The following AMOTL1 variants were observed in gnomAD, a reference collection of about 807,000 sequenced individuals.
AMOTL1 encodes the protein angiomotin-like protein 1.
A neutral mutation model predicts 102.9 loss-of-function variants in AMOTL1; 45 were observed. The ratio of observed to expected loss-of-function variants is 0.44; its 90% CI spans 0.34 to 0.56. The LOEUF (loss-of-function observed/expected upper bound fraction) is 0.56. AMOTL1 is among the 20% of genes least tolerant of loss of function. AMOTL1 has a pLI of 0.01. For missense variants in AMOTL1, 1,114 were observed against 1,225.6 expected (o/e 0.91, Z 1.36); for synonymous variants, 481 against 484.7 (o/e 0.99, Z 0.10).
At chr11:94,736,065 A>G (rs1048882761) in intron 2 of AMOTL1, among the ~76,000 whole-genome samples, 1 of 151,948 alleles carries the variant, frequency 6.6e-6, no homozygotes, top group African/African-American at 2.4e-5. Context: ...AAATATTTCC[A>G]CCTTGTCGTT....
chr11:94,742,033 A>T (rs927072483), intron 3 of AMOTL1, among the ~76,000 whole-genome samples: 2 of 152,172 alleles, frequency 1.3e-5, no homozygotes, highest in Non-Finnish European at 2.9e-5. Flanking sequence ...AACGACTTTC[A>T]TTCATTTCTA....
chr11:94,862,434 C>T (rs1229659549), intron 9 of AMOTL1, among the ~76,000 whole-genome samples: 2 of 152,178 alleles, frequency 1.3e-5, no homozygotes, highest in African/African-American at 4.8e-5. Flanking sequence ...GACTTTTCAA[C>T]CACAGATGCA....
intron 1 of AMOTL1, among the ~76,000 whole-genome samples, chr11:94,711,702 T>C (rs1435876263): frequency 6.6e-6 from 1 of 152,174 alleles, no homozygotes; most frequent in Admixed American, 6.5e-5. Flanking sequence ...CCTTATGATA[T>C]TGGCCTCTTC....
At chr11:94,819,221 A>C (rs185510944) in intron 3 of AMOTL1, among the ~76,000 whole-genome samples, 7 of 152,324 alleles carry the variant, frequency 4.6e-5, no homozygotes, top group African/African-American at 1.4e-4. Context: ...AGAACCCCGA[A>C]ATCAGTAAGC....
At chr11:94,798,590 C>G (rs1485297399) in intron 2 of AMOTL1, among the ~76,000 whole-genome samples, 1 of 152,036 alleles carries the variant, frequency 6.6e-6, no homozygotes, top group Non-Finnish European at 1.5e-5. Flanking sequence ...ATGTATGGGT[C>G]ATGAGTCAGT....
intron 1 of AMOTL1, among the ~76,000 whole-genome samples, chr11:94,710,177 G>C (rs903931587): frequency 6.6e-6 from 1 of 152,152 alleles, no homozygotes; most frequent in Non-Finnish European, 1.5e-5. Context: ...ATTTGTTAGG[G>C]GAAGGAGGTA....
intron 4 of AMOTL1, among the ~76,000 whole-genome samples, chr11:94,824,450 A>G (rs930548064): frequency 2.6e-5 from 4 of 152,240 alleles, no homozygotes; most frequent in African/African-American, 9.6e-5. Context: ...ATGTAAAACC[A>G]GAATTATTGA....
chr11:94,775,916 A>G (rs1275400242), intron 1 of AMOTL1, among the ~76,000 whole-genome samples: 1 of 152,232 alleles, frequency 6.6e-6, no homozygotes, highest in East Asian at 1.9e-4. Context: ...CAGCATGGCA[A>G]CTGGGTTATG....
intron 2 of AMOTL1, among the ~76,000 whole-genome samples, chr11:94,739,255 G>A (rs1315179010): frequency 6.6e-6 from 1 of 152,202 alleles, no homozygotes; most frequent in Non-Finnish European, 1.5e-5. Flanking sequence ...GGACAAATGG[G>A]AGGATTCTAG....
intron 2 of AMOTL1, among the ~76,000 whole-genome samples, chr11:94,798,176 C>T (rs967442713): frequency 1.3e-5 from 2 of 152,160 alleles, no homozygotes; most frequent in Admixed American, 6.5e-5. Context: ...GAACATCTCT[C>T]CTCTTCTGTA....
chr11:94,804,072 G>C (rs1023619939), intron 3 of AMOTL1, among the ~76,000 whole-genome samples: 3 of 151,982 alleles, frequency 2.0e-5, no homozygotes, highest in African/African-American at 7.3e-5. Context: ...CTCCATGATA[G>C]AGCGAACATC....
rs889885582 is a variant in AMOTL1 at position 94,872,372 on chromosome 11, A to G, written c.*1577A>G. ...GCTGTTTTCCCAGTTCCCTTTGCTC[A>G]TGCTTACTTAGAGGAAGAAAGAAAG... is the stretch of plus-strand genomic sequence containing the variant. On this transcript the variant is annotated 3_prime_UTR_variant, in exon 13 of 13. Transcript: ENST00000433060. 4.6e-5 allele frequency: 7 copies of G among 152,220 alleles called. No individual in the cohort carries two copies. The highest frequency in any genetic ancestry group is 2.6e-4 in the Admixed American group (4 of 15,286). 9.4% of individuals were successfully genotyped at this position (152,220 alleles called of 1,614,324 possible).
chr11:94,873,666 A>T lies in AMOTL1; in HGVS notation c.*2871A>T, dbSNP rs1953043147. The T allele has an allele frequency of 6.6e-6, 1 of 152,208 alleles. No individual in the cohort carries two copies. Among genetic ancestry groups the T allele is most frequent in the Admixed American group, 6.5e-5 (1 of 15,276 alleles). The allele number at this position is 152,208 out of a possible 1,614,324, so 9.4% of individuals were successfully genotyped here. On this transcript the variant is annotated 3_prime_UTR_variant, in exon 13 of 13. Coordinates refer to ENST00000433060, the MANE Select transcript of AMOTL1 (RefSeq NM_130847.3). ...AGGAGAAGCTAGGATGATTTAAAAC[A>T]AAGTTTGGAGAGGCACTGGGCATAG...
At chr11:94,741,352 G>A (rs1319775643) in intron 3 of AMOTL1, among the ~76,000 whole-genome samples, 1 of 152,182 alleles carries the variant, frequency 6.6e-6, no homozygotes, top group African/African-American at 2.4e-5. Context: ...TCATCTTGCC[G>A]GGAGGACACA....
At chr11:94,723,159 T>A (rs138631353) in intron 1 of AMOTL1, among the ~76,000 whole-genome samples, 1 of 152,124 alleles carries the variant, frequency 6.6e-6, no homozygotes, top group African/African-American at 2.4e-5. Context: ...AGCCTGAGTA[T>A]GGCCATGCAC....
chr11:94,784,694 T>A (rs1173670550), intron 1 of AMOTL1, among the ~76,000 whole-genome samples: 1 of 152,218 alleles, frequency 6.6e-6, no homozygotes, highest in Non-Finnish European at 1.5e-5. Flanking sequence ...AAAATTTCAG[T>A]TTACCACAAC....
At chr11:94,758,953 A>G (rs571857256) in intron 3 of AMOTL1, among the ~76,000 whole-genome samples, 1 of 152,334 alleles carries the variant, frequency 6.6e-6, no homozygotes, top group Admixed American at 6.5e-5. Flanking sequence ...CCTGAAGGGC[A>G]TATATATACA....
chr11:94,753,306 CTTTT>C (rs5793697), intron 3 of AMOTL1, among the ~76,000 whole-genome samples: 32 of 108,302 alleles, frequency 3.0e-4, no homozygotes, highest in African/African-American at 1.2e-3. Flanking sequence ...TGCTTTCCTG[CTTTT>C]TTTTTTTTTT....
At chr11:94,721,654 A>G (rs912867268) in intron 1 of AMOTL1, among the ~76,000 whole-genome samples, 5 of 152,166 alleles carry the variant, frequency 3.3e-5, no homozygotes, top group Non-Finnish European at 7.4e-5. Flanking sequence ...GCCAGGGAAC[A>G]GAATTGACCA....
Sources: allele counts gnomAD v4.1 joint callset (sites outside exome capture counted in the v4.1 genomes callset), GRCh38; gene constraint gnomAD v4.1.1; transcripts MANE v1.5; gene names NCBI Gene and HGNC (gene_info 2026-07-23, HGNC 2026-07-21).